IQCE: variants seen among roughly 807,000 people sequenced by gnomAD.
IQCE encodes IQ domain-containing protein E.
Under a neutral mutation model 96.0 loss-of-function variants are expected in IQCE, and 115 were observed. The observed-to-expected ratio is 1.20, with a 90% CI of 1.03 to 1.40. The LOEUF (loss-of-function observed/expected upper bound fraction) is 1.40, where lower values mean the gene tolerates loss of function less well. Among genes scored for constraint, IQCE ranks in the 40% most tolerant of loss-of-function variants. The pLI, the probability that IQCE is intolerant of heterozygous loss-of-function variation, is 0.00. For synonymous variants in IQCE, 412 were observed against 371.2 expected (o/e 1.11, Z -1.26); for missense variants, 1,041 against 909.1 (o/e 1.15, Z -1.87).
intron 11 of IQCE, among the ~76,000 whole-genome samples, chr7:2,585,879 G>A (rs529568891): frequency 6.6e-5 from 10 of 152,240 alleles, no homozygotes; most frequent in Non-Finnish European, 1.0e-4. Context: ...GGCGAAACCC[G>A]AGCTATCCTG....
intron 21 of IQCE, chr7:2,607,452 G>C: frequency 7.6e-7 from 1 of 1,318,276 alleles, no homozygotes; most frequent in Non-Finnish European, 9.6e-7. Flanking sequence ...CGAGGTCCTT[G>C]CTGTCTTTAT....
In IQCE at chr7:2,572,182, T is replaced by C; in HGVS notation, c.260-10T>C. The stretch of plus-strand genomic sequence containing the variant: ...ATCTGTCATATTAAACCCATGCACA[T>C]TCAAACCAGGAAGTCTGACCCAGGC... On this transcript the variant is annotated splice_polypyrimidine_tract_variant and intron_variant, in intron 4 of 21. Transcript: ENST00000402050. 1 of 1,611,090 alleles carries C rather than the reference T, an allele frequency of 6.2e-7. No individual in the cohort carries two copies. The highest frequency in any genetic ancestry group is 8.5e-7 in the Non-Finnish European group (1 of 1,178,762).
rs539281368 is a variant in IQCE, at chr7:2,599,572, C to T, written c.1608+940C>T. 1.9e-4 allele frequency among the ~76,000 whole-genome samples: 29 copies of T among 152,142 alleles called. No homozygotes were observed. In the East Asian group the frequency reaches 4.1e-3, roughly 21 times the overall value. ...AGTGCAGTGGCACAATCACAGCTCA[C>T]TGCAGCCTCGACCTCCCAGGCTCAA... On this transcript the variant is annotated intron_variant, in intron 17 of 21. Coordinates refer to ENST00000402050, the MANE Select transcript of IQCE (RefSeq NM_152558.5).
At chr7:2,587,688 C>T (rs1783229047) in intron 12 of IQCE, 134 bp from the exon 13 acceptor site, 1 of 833,400 alleles carries the variant, frequency 1.2e-6, no homozygotes, top group African/African-American at 1.7e-5. Flanking sequence ...GTAGCCAGGA[C>T]CTGTCGGTGT....
chr7:2,561,405 T>C (rs1379060833), intron 1 of IQCE, among the ~76,000 whole-genome samples: 1 of 152,038 alleles, frequency 6.6e-6, no homozygotes, highest in East Asian at 1.9e-4. Flanking sequence ...GCTTATTTAC[T>C]GCTAATATAT....
intron 8 of IQCE, among the ~76,000 whole-genome samples, 170 bp downstream of exon 8, chr7:2,578,696 G>C (rs1410215677): frequency 6.6e-6 from 1 of 152,126 alleles, no homozygotes; most frequent in Non-Finnish European, 1.5e-5. Flanking sequence ...CCACGGGGAG[G>C]GGGGCCAGCA....
At chr7:2,595,486 G>A (rs1783955393) in intron 16 of IQCE, among the ~76,000 whole-genome samples, 1 of 149,446 alleles carries the variant, frequency 6.7e-6, no homozygotes, top group South Asian at 2.1e-4. Context: ...ACTGTTAGCA[G>A]GGACCCGGCA....
chr7:2,597,374 C>T (rs1022035794), intron 16 of IQCE, among the ~76,000 whole-genome samples: 6 of 152,244 alleles, frequency 3.9e-5, no homozygotes, highest in Non-Finnish European at 7.3e-5. Context: ...TAGGAATTGG[C>T]CAGGCCCAGA....
intron 1 of IQCE, among the ~76,000 whole-genome samples, chr7:2,560,200 G>A (rs1780838666): frequency 6.6e-6 from 1 of 152,118 alleles, no homozygotes; most frequent in African/African-American, 2.4e-5. Context: ...AGTGAACTGT[G>A]ATCATATCAC....
intron 18 of IQCE, among the ~76,000 whole-genome samples, chr7:2,602,229 G>A (rs572334231): frequency 1.9e-4 from 29 of 152,342 alleles, no homozygotes; most frequent in African/African-American, 3.6e-4. Context: ...CAGCAGAGCC[G>A]GTGGGACAAG....
At position 2,593,138 on chromosome 7, in the gene IQCE, G is replaced by C. The variant is rs200933300; in HGVS notation, c.1349+12G>C. The C allele has an allele frequency of 6.2e-7, 1 of 1,606,630 alleles. No individual in the cohort carries two copies. The highest frequency in any genetic ancestry group is 8.5e-7 in the Non-Finnish European group (1 of 1,174,812). On this transcript the variant is annotated intron_variant, in intron 15 of 21. Transcript: ENST00000402050. ...GAGGAGGTTTTGAGGTATGTGACCC[G>C]GGTCAGGGCTGGAGAGGACCCAGGC...
intron 17 of IQCE, among the ~76,000 whole-genome samples, chr7:2,599,509 T>C (rs980907381): frequency 6.6e-6 from 1 of 151,990 alleles, no homozygotes; most frequent in African/African-American, 2.4e-5. Context: ...TTTTTCTTTT[T>C]TCATAGAGAC....
chr7:2,577,197 G>A (rs545285964), intron 6 of IQCE, among the ~76,000 whole-genome samples: 2 of 152,210 alleles, frequency 1.3e-5, no homozygotes, highest in East Asian at 1.9e-4. Context: ...GCCTGTGCGC[G>A]GTGTGGTGTG....
Position 2,573,695 on chromosome 7 carries a change from G to A in IQCE, c.465+207G>A, listed in dbSNP as rs149599397. Among the ~76,000 whole-genome samples, 1,463 of 152,302 alleles carry A rather than the reference G, an allele frequency of 9.6e-3. 19 individuals carry two copies. The highest frequency in any genetic ancestry group is 0.033 in the African/African-American group (1,383 of 41,564). On this transcript the variant is annotated intron_variant, in intron 6 of 21. Coordinates refer to ENST00000402050, the MANE Select transcript of IQCE (RefSeq NM_152558.5). ...TAGCACCAGCACATAAAAGGCAGCA[G>A]AGCTCATGTTCCATCCGTGCTCTGC...
At chr7:2,585,150 CTCT>C (rs1470590967) in intron 11 of IQCE, among the ~76,000 whole-genome samples, 25 of 151,888 alleles carry the variant, frequency 1.6e-4, no homozygotes, top group African/African-American at 4.1e-4. Flanking sequence ...ATTATCTTGC[CTCT>C]GCCTCCCAAG....
intron 13 of IQCE, among the ~76,000 whole-genome samples, chr7:2,588,572 C>G (rs977587839): frequency 1.4e-5 from 2 of 147,192 alleles, no homozygotes; most frequent in African/African-American, 2.5e-5. Context: ...CCAGGATGGT[C>G]TCGATCTCCT....
In IQCE at chr7:2,605,937, A is replaced by T. The variant is rs368352612; in HGVS notation, c.1805A>T (p.Glu602Val). ...IAQATGSPVQ[E>V]EAIVIIQSAL... ...CAGGCCACGGGCAGCCCTGTGCAGG[A>T]GGAGGCCATCGTCATCATCCAGTCC... is the stretch of plus-strand genomic sequence containing the variant. The change falls in exon 20 of 22, where the codon GAG becomes GTG. Residue 602 changes from glutamate to valine, a missense_variant. Physicochemically the swap from Glu to Val is moderately radical, Grantham distance 121 (BLOSUM62 -2). Transcript: ENST00000402050. The T allele has an allele frequency of 1.7e-5, 28 of 1,611,506 alleles. No individual in the cohort carries two copies. The African/African-American group carries it at 3.3e-4, about 19-fold the overall frequency.
At chr7:2,569,228 C>T (rs1052097633) in intron 3 of IQCE, among the ~76,000 whole-genome samples, 3 of 152,076 alleles carry the variant, frequency 2.0e-5, no homozygotes, top group African/African-American at 2.4e-5. Context: ...GCCAGAGTGA[C>T]GAGCCCTTTC....
Position 2,582,907 on chromosome 7 carries a change from G to A in IQCE, c.701+257G>A, listed in dbSNP as rs1027487854. ...TCTGTGGACCCCTGTATCTTTCCAG[G>A]ATGAGGTTTTAACGCCTCAGTCCTG... On this transcript the variant is annotated intron_variant, in intron 9 of 21. Coordinates refer to ENST00000402050, the MANE Select transcript of IQCE (RefSeq NM_152558.5). Among the ~76,000 whole-genome samples the A allele has an allele frequency of 6.6e-5, 10 of 152,076 alleles. No individual in the cohort carries two copies. The South Asian group carries it at 1.7e-3, about 25-fold the overall frequency.
Sources: gnomAD v4.1 joint callset for allele counts (sites outside exome capture counted in the v4.1 genomes callset) on GRCh38, gnomAD v4.1.1 for gene constraint, MANE v1.5 for transcripts, NCBI Gene and HGNC (gene_info 2026-07-23, HGNC 2026-07-21) for gene names.